The following KIN variants were observed in gnomAD, a reference collection of about 807,000 sequenced individuals.
KIN encodes the protein DNA/RNA-binding protein KIN17.
Under a neutral mutation model 63.0 loss-of-function variants are expected in KIN, and 47 were observed. The ratio of observed to expected loss-of-function variants is 0.75; its 90% CI spans 0.59 to 0.95. The LOEUF is 0.95. Among genes scored for constraint, KIN ranks in the 40% least tolerant of loss-of-function variants. KIN has a pLI of 0.00. For missense variants in KIN, 408 were observed against 460.9 expected (o/e 0.89, Z 1.05); for synonymous variants, 160 against 157.7 (o/e 1.01, Z -0.11).
chr10:7,786,152 A>G (rs35494874), intron 1 of KIN, among the ~76,000 whole-genome samples: 2,419 of 152,308 alleles, frequency 0.016, 34 homozygotes, highest in South Asian at 0.034. Context: ...AGGGGAGCGG[A>G]GGTCCTAATA....
intron 5 of KIN, among the ~76,000 whole-genome samples, chr10:7,777,900 C>A (rs1176617255): frequency 6.7e-6 from 1 of 148,822 alleles, no homozygotes; most frequent in Admixed American, 6.7e-5. Flanking sequence ...CTCCGTCCCC[C>A]CCCCAAAAAA....
chr10:7,782,613 G>A (rs1174538621), intron 2 of KIN, among the ~76,000 whole-genome samples: 1 of 151,970 alleles, frequency 6.6e-6, no homozygotes, highest in Non-Finnish European at 1.5e-5. Context: ...TGGCCACGCT[G>A]GTCTTGAACT....
chr10:7,760,908 C>G (rs1835424299), intron 11 of KIN, among the ~76,000 whole-genome samples: 3 of 152,164 alleles, frequency 2.0e-5, no homozygotes, highest in African/African-American at 7.2e-5. Context: ...CAGATACGTT[C>G]CACCACATAG....
chr10:7,762,567 A>G lies in KIN; in HGVS notation c.919-11T>C. ...TTTGTCAATTACTTCCTGTCATGTA[A>G]AATGAACACTTTTATAATAGAAGAA... On this transcript the variant is annotated splice_polypyrimidine_tract_variant and intron_variant, in intron 10 of 12. Coordinates refer to ENST00000379562, the MANE Select transcript of KIN (RefSeq NM_012311.4). 3 of 1,488,426 alleles carry G rather than the reference A, an allele frequency of 2.0e-6. No homozygotes were observed. Among genetic ancestry groups the G allele is most frequent in the Non-Finnish European group, 2.8e-6 (3 of 1,070,262 alleles). The allele number at this position is 1,488,426 out of a possible 1,614,324, so 92.2% of individuals were successfully genotyped here. A position where few individuals can be genotyped will look rare whatever the true frequency, so the allele number is the denominator to read the frequency against.
At chr10:7,779,927 G>A (rs1435202017) in intron 4 of KIN, 129 bp downstream of exon 4, 1 of 793,580 alleles carries the variant, frequency 1.3e-6, no homozygotes, top group Non-Finnish European at 2.0e-6. Context: ...CTCCCAAAAT[G>A]GAATCAACTA....
At position 7,754,113 on chromosome 10, in the gene KIN, TGAGCTCAA is replaced by T; in HGVS notation, c.*1959_*1966del. The T allele has an allele frequency of 2.2e-6, 1 of 455,854 alleles. No individual in the cohort carries two copies. Among genetic ancestry groups the T allele is most frequent in the Non-Finnish European group, 4.4e-6 (1 of 226,762 alleles). The allele number at this position is 455,854 out of a possible 1,614,324, so 28.2% of individuals were successfully genotyped here. ...AGAAGGCCGAGGCAGGAGGATTGCTTGAGCTCAAGAGTTTGAGACCAGCCTGGGCAACA... is the reference window on the plus strand; with the variant it reads ...AGAAGGCCGAGGCAGGAGGATTGCTTGAGTTTGAGACCAGCCTGGGCAACA... On this transcript the variant is annotated 3_prime_UTR_variant, in exon 13 of 13. Transcript: ENST00000379562.
At chr10:7,765,250 T>C (rs532998441) in intron 9 of KIN, among the ~76,000 whole-genome samples, 162 of 151,288 alleles carry the variant, frequency 1.1e-3, no homozygotes, top group African/African-American at 3.8e-3. Context: ...CACTTGAGGC[T>C]ACTATGTTGA....
intron 12 of KIN, 107 bp downstream of exon 12, chr10:7,759,783 G>A (rs778907769): frequency 1.6e-6 from 1 of 615,598 alleles, no homozygotes; most frequent in South Asian, 2.0e-5. Context: ...AGGATAGAAG[G>A]CTAACAAAAA....
intron 7 of KIN, among the ~76,000 whole-genome samples, chr10:7,772,952 G>A (rs1011915967): frequency 1.3e-5 from 2 of 152,278 alleles, no homozygotes; most frequent in South Asian, 2.1e-4. Context: ...TGAGGAGCTT[G>A]GCCTGGATTA....
At chr10:7,775,648 A>T in intron 6 of KIN, 103 bp downstream of exon 6, 2 of 583,480 alleles carry the variant, frequency 3.4e-6, no homozygotes, top group Non-Finnish European at 5.9e-6. Flanking sequence ...ACTCAGACAC[A>T]TTCGATGTCT....
At position 7,759,910 on chromosome 10, in the gene KIN, CT is replaced by C; in HGVS notation, c.1098del (p.Ala367LeufsTer10). Reference sequence around the variant, plus strand: ...CTTACAGTTTCAATGACGATAGTAGCTGAAAAAGTCTTCTCATTGATGGATT... The same window carrying C: ...CTTACAGTTTCAATGACGATAGTAGCGAAAAAGTCTTCTCATTGATGGATT... The part of the protein sequence containing the change: ...TLESINEKTF[S>X]ATIVIETGPL... On this transcript the variant is annotated frameshift_variant, in exon 12 of 13. Coordinates refer to ENST00000379562, the MANE Select transcript of KIN (RefSeq NM_012311.4). LOFTEE classifies it high-confidence loss of function. 6.5e-7 allele frequency: 1 copy of C among 1,547,748 alleles called. No individual in the cohort carries two copies. The highest frequency in any genetic ancestry group is 8.8e-7 in the Non-Finnish European group (1 of 1,132,614).
chr10:7,767,678 T>C (rs1835576901), intron 8 of KIN, among the ~76,000 whole-genome samples: 1 of 151,776 alleles, frequency 6.6e-6, no homozygotes, highest in East Asian at 1.9e-4. Flanking sequence ...GCCAGCATAG[T>C]GAAATCCCGC....
At chr10:7,779,428 C>T (rs991871597) in intron 4 of KIN, among the ~76,000 whole-genome samples, 3 of 152,000 alleles carry the variant, frequency 2.0e-5, no homozygotes, top group Non-Finnish European at 4.4e-5. Context: ...AAACAAAACA[C>T]CAAATACACT....
intron 7 of KIN, among the ~76,000 whole-genome samples, chr10:7,770,746 T>C (rs1835650596): frequency 6.6e-6 from 1 of 152,254 alleles, no homozygotes; most frequent in South Asian, 2.1e-4. Context: ...TACACAAAGC[T>C]ATCATGGAGC....
Position 7,769,404 on chromosome 10 carries a change from G to A in KIN, c.669-59C>T, listed in dbSNP as rs1467501226. On this transcript the variant is annotated intron_variant, in intron 7 of 12. Coordinates refer to ENST00000379562, the MANE Select transcript of KIN (RefSeq NM_012311.4). ...AACCATACACAGACGAATGCTTTAC[G>A]ATGTGCAAAATTCACAATATAGAAT... 16 of 1,527,722 alleles carry A rather than the reference G, an allele frequency of 1.0e-5. No homozygotes were observed. In the East Asian group the frequency reaches 1.4e-4, roughly 13 times the overall value. The allele number at this position is 1,527,722 out of a possible 1,614,324, so 94.6% of individuals were successfully genotyped here.
At chr10:7,783,260 A>C (rs997201842) in intron 1 of KIN, 85 bp from the exon 2 acceptor site, 7 of 581,312 alleles carry the variant, frequency 1.2e-5, no homozygotes, top group Admixed American at 3.6e-5. Context: ...AACCCAAAAA[A>C]TCTGCTCTTT....
At chr10:7,768,850 C>G (rs1359875396) in intron 8 of KIN, among the ~76,000 whole-genome samples, 1 of 151,986 alleles carries the variant, frequency 6.6e-6, no homozygotes, top group Non-Finnish European at 1.5e-5. Context: ...AACCCCATCT[C>G]TACTAAAAAT....
At chr10:7,771,145 T>TA (rs5782998) in intron 7 of KIN, among the ~76,000 whole-genome samples, 119,357 of 152,062 alleles carry the variant, frequency 0.78, 47,057 homozygotes, top group Non-Finnish European at 0.8. Flanking sequence ...CAAATCCACG[T>TA]AAGATAAGCT....
intron 9 of KIN, among the ~76,000 whole-genome samples, chr10:7,764,635 A>C (rs1835503162): frequency 6.6e-6 from 1 of 152,220 alleles, no homozygotes; most frequent in Non-Finnish European, 1.5e-5. Flanking sequence ...GGTTTACGGA[A>C]AAATGTGAAC....
Sources: gnomAD v4.1 joint callset for allele counts (sites outside exome capture counted in the v4.1 genomes callset) on GRCh38, gnomAD v4.1.1 for gene constraint, MANE v1.5 for transcripts, NCBI Gene and HGNC (gene_info 2026-07-23, HGNC 2026-07-21) for gene names.